Variants in CDK12 observed in about 807,000 individuals in gnomAD.
The protein encoded by CDK12 is cyclin dependent kinase 12.
Under a neutral mutation model 133.8 loss-of-function variants are expected in CDK12, and 17 were observed. That is an observed-to-expected ratio of 0.13 (90% CI 0.09 to 0.19). CDK12 has a LOEUF of 0.19. Ranked by LOEUF, CDK12 falls within the 10% of genes least tolerant of loss-of-function variation. CDK12 has a pLI of 1.00. For missense variants in CDK12, 1,508 were observed against 1,818.7 expected, an observed-to-expected ratio of 0.83 and a Z score of 3.11; for synonymous variants, 694 against 683.6, an observed-to-expected ratio of 1.02 and a Z score of -0.24.
rs2050709815 is a variant in CDK12 at position 39,481,694 on chromosome 17, CTCTCTCTCTCTCTCTCTT to C, written c.1932-8857_1932-8840del. 4.5e-4 allele frequency among the ~76,000 whole-genome samples: 6 copies of C among 13,226 alleles called. 1 individual carries two copies. Among genetic ancestry groups the C allele is most frequent in the African/African-American group, 9.5e-4 (6 of 6,344 alleles). 8.7% of individuals were successfully genotyped at this position (13,226 alleles called of 152,430 possible). ...TCTCTCTCTCTCTCTCTCTCTCTCT[CTCTCTCTCTCTCTCTCTT>C]TCTCTTTTCTTTTTTCTTTTTTTTT... On this transcript the variant is annotated intron_variant, in intron 2 of 13. Coordinates refer to ENST00000447079, the MANE Select transcript of CDK12 (RefSeq NM_016507.4).
chr17:39,507,943 T>G (rs1567753861), intron 6 of CDK12, among the ~76,000 whole-genome samples: 1 of 152,234 alleles, frequency 6.6e-6, no homozygotes, highest in Non-Finnish European at 1.5e-5. Context: ...AGAAGTTTGT[T>G]GCTAGTAGTT....
chr17:39,556,565 G>GT (rs2056171497), intron 3 of CDK12, among the ~76,000 whole-genome samples: 1 of 152,234 alleles, frequency 6.6e-6, no homozygotes, highest in Non-Finnish European at 1.5e-5. Context: ...GAGAGTAAGT[G>GT]TAACAGCTGC....
At chr17:39,507,516 C>T (rs947418204) in intron 6 of CDK12, among the ~76,000 whole-genome samples, 57 of 151,368 alleles carry the variant, frequency 3.8e-4, no homozygotes, top group African/African-American at 1.3e-3. Flanking sequence ...ATAGCGCCAT[C>T]GCACTCCAGC....
intron 1 of CDK12, among the ~76,000 whole-genome samples, chr17:39,469,875 G>A (rs112495266): frequency 1.4e-4 from 21 of 151,930 alleles, no homozygotes; most frequent in African/African-American, 5.1e-4. Context: ...AATGTCAGGC[G>A]ATCCACCCAT....
At chr17:39,465,052 C>T (rs1044017616) in intron 1 of CDK12, among the ~76,000 whole-genome samples, 2 of 151,700 alleles carry the variant, frequency 1.3e-5, no homozygotes, top group African/African-American at 4.8e-5. Flanking sequence ...TTGAGACCAG[C>T]GTGGCCAATG....
At chr17:39,480,341 G>A (rs1450736417) in intron 2 of CDK12, among the ~76,000 whole-genome samples, 1 of 150,408 alleles carries the variant, frequency 6.6e-6, no homozygotes, top group South Asian at 2.1e-4. Context: ...TTGGCTCACT[G>A]TAACCTCCAT....
intron 2 of CDK12, among the ~76,000 whole-genome samples, chr17:39,482,769 A>G (rs1286933284): frequency 1.3e-5 from 2 of 151,222 alleles, no homozygotes; most frequent in African/African-American, 4.9e-5. Flanking sequence ...TGCTTGGCTG[A>G]TCTTTGTATT....
At chr17:39,476,420 T>C (rs921958223) in intron 2 of CDK12, among the ~76,000 whole-genome samples, 6 of 151,864 alleles carry the variant, frequency 4.0e-5, no homozygotes, top group Non-Finnish European at 8.8e-5. Context: ...ATTTATTATT[T>C]TATTTATTTA....
chr17:39,552,918 G>C (rs776586665), intron 2 of CDK12, among the ~76,000 whole-genome samples: 1 of 152,018 alleles, frequency 6.6e-6, no homozygotes, highest in Non-Finnish European at 1.5e-5. Flanking sequence ...TAGTAGAGAC[G>C]TGGTTTCACC....
chr17:39,494,775 T>TTC (rs2051934300), intron 5 of CDK12, 81 bp downstream of exon 5: 4 of 752,914 alleles, frequency 5.3e-6, no homozygotes, highest in African/African-American at 3.7e-5. Flanking sequence ...CTTTCTTTCT[T>TTC]TTTTTTTTTT....
At chr17:39,483,453 A>G (rs1037255068) in intron 2 of CDK12, among the ~76,000 whole-genome samples, 3 of 151,686 alleles carry the variant, frequency 2.0e-5, no homozygotes, top group African/African-American at 4.8e-5. Context: ...TTTTGTAGAG[A>G]TGGAGTTTGA....
chr17:39,542,144 T>C (rs576712758), intron 1 of CDK12, among the ~76,000 whole-genome samples: 26 of 89,798 alleles, frequency 2.9e-4, no homozygotes, highest in African/African-American at 7.0e-4. Flanking sequence ...TGGGAAATTA[T>C]ATATACATAT....
intron 6 of CDK12, among the ~76,000 whole-genome samples, chr17:39,507,097 A>G (rs1235275032): frequency 6.6e-6 from 1 of 151,602 alleles, no homozygotes; most frequent in Non-Finnish European, 1.5e-5. Context: ...GGGTTTTACC[A>G]TGTTGGCCAG....
downstream of CDK12, chr17:39,534,786 G>T (rs1426235871): frequency 1.2e-5 from 2 of 168,948 alleles, no homozygotes; most frequent in Non-Finnish European, 1.3e-5. Flanking sequence ...TTTTTTTAAA[G>T]TAGAAAAGTT....
intron 1 of CDK12, among the ~76,000 whole-genome samples, chr17:39,542,442 C>T (rs1273905207): frequency 1.3e-5 from 2 of 151,928 alleles, no homozygotes; most frequent in Non-Finnish European, 1.5e-5. Flanking sequence ...CTGCCTGCCT[C>T]GGCCTCCCAA....
intron 2 of CDK12, among the ~76,000 whole-genome samples, chr17:39,479,072 G>C (rs980618752): frequency 3.9e-5 from 6 of 152,108 alleles, no homozygotes; most frequent in Non-Finnish European, 8.8e-5. Flanking sequence ...ACTTTGGAAG[G>C]CTGAGGCGGG....
intron 5 of CDK12, among the ~76,000 whole-genome samples, chr17:39,500,506 G>A (rs1000372444): frequency 1.3e-5 from 2 of 151,996 alleles, no homozygotes; most frequent in African/African-American, 4.8e-5. Context: ...GGTGGCACAT[G>A]CCTGTAATCC....
chr17:39,497,760 C>T (rs1391677365), intron 5 of CDK12, among the ~76,000 whole-genome samples: 1 of 151,928 alleles, frequency 6.6e-6, no homozygotes, highest in African/African-American at 2.4e-5. Context: ...TGCACCACCA[C>T]ATCCAGCTGA....
At chr17:39,524,521 T>C (rs2054377154) in intron 11 of CDK12, among the ~76,000 whole-genome samples, 153 bp from the exon 12 acceptor site, 1 of 152,250 alleles carries the variant, frequency 6.6e-6, no homozygotes. Flanking sequence ...TACACTGCTG[T>C]TACCTACTTT....
Sources: gnomAD v4.1 joint callset for allele counts (sites outside exome capture counted in the v4.1 genomes callset) on GRCh38, gnomAD v4.1.1 for gene constraint, MANE v1.5 for transcripts, NCBI Gene and HGNC (gene_info 2026-07-23, HGNC 2026-07-21) for gene names.